The following OR5H6 variants were observed in gnomAD, a reference collection of about 807,000 sequenced individuals.
OR5H6 encodes the protein olfactory receptor family 5 subfamily H member 6.
For synonymous variants in OR5H6, 151 were observed against 127.7 expected, an observed-to-expected ratio of 1.18 and a Z score of -1.23; for missense variants, 429 against 358.1, an observed-to-expected ratio of 1.20 and a Z score of -1.60.
chr3:98,265,302 C>T lies in OR5H6; in HGVS notation c.*40C>T. On this transcript the variant is annotated 3_prime_UTR_variant, in exon 1 of 1. Coordinates refer to ENST00000615035, the MANE Select transcript of OR5H6 (RefSeq NM_001005479.2). ...CTCTTCTCTATTTACTAAAATTGTCCCAAGATTGTGCAAGTTAGAGGTGTC... is the reference window on the plus strand; with the variant it reads ...CTCTTCTCTATTTACTAAAATTGTCTCAAGATTGTGCAAGTTAGAGGTGTC... 1.3e-6 allele frequency: 2 copies of T among 1,525,044 alleles called. No homozygotes were observed. Among genetic ancestry groups the T allele is most frequent in the South Asian group, 1.4e-5 (1 of 73,392 alleles). 94.5% of individuals were successfully genotyped at this position (1,525,044 alleles called of 1,614,324 possible). A position where few individuals can be genotyped will look rare whatever the true frequency, so the allele number is the denominator to read the frequency against.
rs1343169780 is a variant in OR5H6, at chr3:98,264,808, A to G, written c.476A>G (p.His159Arg). 2 of 1,611,120 alleles carry G rather than the reference A, an allele frequency of 1.2e-6. No individual in the cohort carries two copies. The highest frequency in any genetic ancestry group is 1.7e-5 in the Admixed American group (1 of 59,582). ...FIGGLLHALI[H>R]EAFSFRLTFC... is the part of the protein sequence containing the mutation. Reference sequence around the variant, plus strand: ...GGTGGCCTTCTTCATGCTTTAATCCATGAAGCTTTTTCATTCAGATTAACC... The same window carrying G: ...GGTGGCCTTCTTCATGCTTTAATCCGTGAAGCTTTTTCATTCAGATTAACC... Residue 159 changes from histidine to arginine, a missense_variant, in exon 1 of 1, where the codon CAT becomes CGT. Transcript: ENST00000615035.
Position 98,264,693 on chromosome 3 carries a change from G to A in OR5H6, c.361G>A (p.Asp121Asn). The A allele has an allele frequency of 1.2e-6, 2 of 1,613,230 alleles. No individual in the cohort carries two copies. Among genetic ancestry groups the A allele is most frequent in the Non-Finnish European group, 1.7e-6 (2 of 1,179,296 alleles). Residue 121 changes from aspartate (D) to asparagine (N), a missense_variant, in exon 1 of 1, where the codon GAT (aspartate) becomes AAT (asparagine). By Grantham distance (23) the Asp-to-Asn change is conservative. Coordinates refer to ENST00000615035, the MANE Select transcript of OR5H6 (RefSeq NM_001005479.2). ...TTTTCTCTTGGCAACAATGGCATAT[G>A]ATCGCTATGTAGCCATTTGCAAAGC... ...ECFLLATMAY[D>N]RYVAICKALL...
In OR5H6 at chr3:98,264,260, AT is replaced by A; in HGVS notation, c.-70del. 1 of 1,588,908 alleles carries A rather than the reference AT, an allele frequency of 6.3e-7. No homozygotes were observed. Among genetic ancestry groups the A allele is most frequent in the Non-Finnish European group, 8.6e-7 (1 of 1,168,120 alleles). On this transcript the variant is annotated 5_prime_UTR_variant, in exon 1 of 1. Transcript: ENST00000615035. ...AGTTTATTTCAACACCTCTTCCCCAATTTCAACTCACAATTCCATTGCAAAT... is the reference window on the plus strand; with the variant it reads ...AGTTTATTTCAACACCTCTTCCCCAATTCAACTCACAATTCCATTGCAAAT...
In OR5H6 at chr3:98,264,972, ATTC is replaced by A; in HGVS notation, c.643_645del (p.Leu215del). The A allele has an allele frequency of 6.2e-7, 1 of 1,609,656 alleles. No individual in the cohort carries two copies. Among genetic ancestry groups the A allele is most frequent in the Non-Finnish European group, 8.5e-7 (1 of 1,178,054 alleles). ...TGTTCAAGTTTTTACCATTGGAACTATTCTTATATCTTATACAATTATCCTCTT... is the reference window on the plus strand; with the variant it reads ...TGTTCAAGTTTTTACCATTGGAACTATTATATCTTATACAATTATCCTCTT... On this transcript the variant is annotated inframe_deletion, in exon 1 of 1. Coordinates refer to ENST00000615035, the MANE Select transcript of OR5H6 (RefSeq NM_001005479.2).
Position 98,265,199 on chromosome 3 carries a change from C to A in OR5H6, c.867C>A (p.Ile289=). The A allele has an allele frequency of 6.2e-7, 1 of 1,605,732 alleles. No individual in the cohort carries two copies. Among genetic ancestry groups the A allele is most frequent in the Non-Finnish European group, 8.5e-7 (1 of 1,177,204 alleles). The change falls in exon 1 of 1, where the codon ATC becomes ATA. Residue 289 remains isoleucine, a synonymous_variant. Coordinates refer to ENST00000615035, the MANE Select transcript of OR5H6 (RefSeq NM_001005479.2). The part of the protein sequence containing the change: ...TVIVPLLNPM[I]YSLRNKQVIA... The stretch of plus-strand genomic sequence containing the variant: ...TAGTTCCTTTATTAAATCCCATGAT[C>A]TACAGCCTGAGAAACAAGCAAGTAA...
In OR5H6 at chr3:98,264,470, T is replaced by G. The variant is rs1178893141; in HGVS notation, c.138T>G (p.Ile46Met). The G allele has an allele frequency of 5.0e-6, 8 of 1,612,428 alleles. No homozygotes were observed. Among genetic ancestry groups the G allele is most frequent in the Non-Finnish European group, 6.8e-6 (8 of 1,178,712 alleles). The change falls in exon 1 of 1, where the codon ATT (isoleucine) becomes ATG (methionine). Residue 46 changes from isoleucine (I) to methionine (M), a missense_variant. Physicochemically the swap from Ile to Met is conservative, Grantham distance 10 (BLOSUM62 1). Transcript: ENST00000615035. The stretch of plus-strand genomic sequence containing the variant: ...CCATCATGGGGAATCTTGGTCTAAT[T>G]GTTCTCATCTGGAAAGACCCTCACC... ...LITIMGNLGL[I>M]VLIWKDPHLH...
rs1398672130 is a variant in OR5H6, at chr3:98,264,544, C to T, written c.212C>T (p.Ala71Val). ...CTTGGGAGTTTAGCCTTTGTGGATG[C>T]TTCGTTATCATCCACAGTGACTCCG... ...LFLGSLAFVD[A>V]SLSSTVTPKM... is the part of the protein sequence containing the mutation. Residue 71 changes from alanine (A) to valine (V), a missense_variant, in exon 1 of 1, where the codon GCT (alanine) becomes GTT (valine). Coordinates refer to ENST00000615035, the MANE Select transcript of OR5H6 (RefSeq NM_001005479.2). The T allele has an allele frequency of 6.2e-7, 1 of 1,612,622 alleles. No individual in the cohort carries two copies. The highest frequency in any genetic ancestry group is 8.5e-7 in the Non-Finnish European group (1 of 1,178,792).
At position 98,264,883 on chromosome 3, in the gene OR5H6, TG is replaced by T; in HGVS notation, c.552del (p.Leu184PhefsTer2). 6.2e-7 allele frequency: 1 copy of T among 1,610,836 alleles called. No homozygotes were observed. Among genetic ancestry groups the T allele is most frequent in the African/African-American group, 1.3e-5 (1 of 74,766 alleles). ...IQHFYCDIIP[L>X]LKISCTDSSI... The stretch of plus-strand genomic sequence containing the variant: ...CACTTTTACTGTGACATTATCCCAT[TG>T]TTAAAGATTTCCTGTACTGATTCCT... On this transcript the variant is annotated frameshift_variant, in exon 1 of 1. Coordinates refer to ENST00000615035, the MANE Select transcript of OR5H6 (RefSeq NM_001005479.2). LOFTEE classifies it low-confidence loss of function (END_TRUNC).
Position 98,265,319 on chromosome 3 carries a change from A to G in OR5H6, c.*57A>G. On this transcript the variant is annotated 3_prime_UTR_variant, in exon 1 of 1. Transcript: ENST00000615035. The stretch of plus-strand genomic sequence containing the variant: ...AAATTGTCCCAAGATTGTGCAAGTT[A>G]GAGGTGTCTATGTCTTGCCAGCATT... 1.3e-6 allele frequency: 2 copies of G among 1,507,968 alleles called. No individual in the cohort carries two copies. The highest frequency in any genetic ancestry group is 1.8e-6 in the Non-Finnish European group (2 of 1,128,566). 93.4% of individuals were successfully genotyped at this position (1,507,968 alleles called of 1,614,324 possible).
In OR5H6 at chr3:98,264,342, G is replaced by GA; in HGVS notation, c.14dup (p.Asn5LysfsTer18). 1.2e-6 allele frequency: 2 copies of GA among 1,613,050 alleles called. No individual in the cohort carries two copies. The highest frequency in any genetic ancestry group is 2.2e-5 in the South Asian group (2 of 91,040). ...GACATGCAGTGAGGAGATGGAAGAGGAAAATGCAACATTGCTGACAGAGTT... is the reference window on the plus strand; with the variant it reads ...GACATGCAGTGAGGAGATGGAAGAGGAAAAATGCAACATTGCTGACAGAGTT... On this transcript the variant is annotated frameshift_variant, in exon 1 of 1. Transcript: ENST00000615035. LOFTEE classifies it low-confidence loss of function (END_TRUNC).
rs2107391131 is a variant in OR5H6 at position 98,265,299 on chromosome 3, G to A, written c.*37G>A. On this transcript the variant is annotated 3_prime_UTR_variant, in exon 1 of 1. Transcript: ENST00000615035. ...TCTCTCTTCTCTATTTACTAAAATT[G>A]TCCCAAGATTGTGCAAGTTAGAGGT... The A allele has an allele frequency of 3.3e-6, 5 of 1,526,008 alleles. No individual in the cohort carries two copies. The highest frequency in any genetic ancestry group is 2.2e-5 in the Admixed American group (1 of 45,536). The allele number at this position is 1,526,008 out of a possible 1,614,324, so 94.5% of individuals were successfully genotyped here.
At position 98,264,780 on chromosome 3, in the gene OR5H6, A is replaced by C; in HGVS notation, c.448A>C (p.Ile150Leu). 2 of 1,612,820 alleles carry C rather than the reference A, an allele frequency of 1.2e-6. No homozygotes were observed. ...LCIQLLVLSF[I>L]GGLLHALIHE... ...CATTCAGCTATTAGTCTTGTCATTT[A>C]TAGGTGGCCTTCTTCATGCTTTAAT... Residue 150 changes from isoleucine (I) to leucine (L), a missense_variant, in exon 1 of 1, where the codon ATA (isoleucine) becomes CTA (leucine). Ile to Leu is a conservative substitution (Grantham distance 5, BLOSUM62 2). Transcript: ENST00000615035.
Position 98,264,297 on chromosome 3 carries a change from C to T in OR5H6, c.-36C>T, listed in dbSNP as rs1167052182. The T allele has an allele frequency of 8.7e-6, 14 of 1,610,056 alleles. No individual in the cohort carries two copies. The highest frequency in any genetic ancestry group is 1.2e-5 in the Non-Finnish European group (14 of 1,177,618). On this transcript the variant is annotated 5_prime_UTR_variant, in exon 1 of 1. Coordinates refer to ENST00000615035, the MANE Select transcript of OR5H6 (RefSeq NM_001005479.2). ...AATTCCATTGCAAATGTTCCTTTACCTTTGCTTCATTTTTCAGAGGACATG... is the reference window on the plus strand; with the variant it reads ...AATTCCATTGCAAATGTTCCTTTACTTTTGCTTCATTTTTCAGAGGACATG...
chr3:98,265,064 T>A lies in OR5H6; in HGVS notation c.732T>A (p.His244Gln), dbSNP rs1360603869. Residue 244 changes from histidine to glutamine, a missense_variant, in exon 1 of 1, where the codon CAT becomes CAA. Coordinates refer to ENST00000615035, the MANE Select transcript of OR5H6 (RefSeq NM_001005479.2). ...IRKAVSTCGA[H>Q]LLSVSLYYGP... Reference sequence around the variant, plus strand: ...AAGCTGTCTCCACCTGTGGGGCTCATCTCTTATCTGTATCTTTATACTATG... The same window carrying A: ...AAGCTGTCTCCACCTGTGGGGCTCAACTCTTATCTGTATCTTTATACTATG... 3 of 1,612,810 alleles carry A rather than the reference T, an allele frequency of 1.9e-6. No homozygotes were observed.
rs772610499 is a variant in OR5H6, at chr3:98,264,814, C to A, written c.482C>A (p.Ala161Asp). Residue 161 changes from alanine (A) to aspartate (D), a missense_variant, in exon 1 of 1, where the codon GCT (alanine) becomes GAT (aspartate). Physicochemically the swap from Ala to Asp is moderately radical, Grantham distance 126 (BLOSUM62 -2). Coordinates refer to ENST00000615035, the MANE Select transcript of OR5H6 (RefSeq NM_001005479.2). ...CTTCTTCATGCTTTAATCCATGAAG[C>A]TTTTTCATTCAGATTAACCTTCTGT... ...GGLLHALIHE[A>D]FSFRLTFCNS... The A allele has an allele frequency of 3.7e-6, 6 of 1,609,828 alleles. No homozygotes were observed. The Admixed American group carries it at 8.4e-5, about 23-fold the overall frequency.
At position 98,265,158 on chromosome 3, in the gene OR5H6, C is replaced by G. The variant is rs1427509855; in HGVS notation, c.826C>G (p.Leu276Val). 6.2e-7 allele frequency: 1 copy of G among 1,613,040 alleles called. No individual in the cohort carries two copies. Among genetic ancestry groups the G allele is most frequent in the Non-Finnish European group, 8.5e-7 (1 of 1,179,432 alleles). The change falls in exon 1 of 1, where the codon CTA (leucine) becomes GTA (valine). Residue 276 changes from leucine to valine, a missense_variant. Coordinates refer to ENST00000615035, the MANE Select transcript of OR5H6 (RefSeq NM_001005479.2). Reference protein sequence around the residue: ...QADDQDMMESLFYTVIVPLLN... With the variant: ...QADDQDMMESVFYTVIVPLLN... Reference sequence around the variant, plus strand: ...AGATGACCAAGATATGATGGAGTCTCTATTTTACACTGTCATAGTTCCTTT... The same window carrying G: ...AGATGACCAAGATATGATGGAGTCTGTATTTTACACTGTCATAGTTCCTTT...
Position 98,264,555 on chromosome 3 carries a change from T to C in OR5H6, c.223T>C (p.Ser75Pro), listed in dbSNP as rs113206717. 6,309 of 1,612,722 alleles carry C rather than the reference T, an allele frequency of 3.9e-3. 220 individuals are homozygous for C. In the African/African-American group the frequency reaches 0.071, roughly 18 times the overall value. The change falls in exon 1 of 1, where the codon TCC (serine) becomes CCC (proline). Residue 75 changes from serine (S) to proline (P), a missense_variant. Coordinates refer to ENST00000615035, the MANE Select transcript of OR5H6 (RefSeq NM_001005479.2). ...AGCCTTTGTGGATGCTTCGTTATCA[T>C]CCACAGTGACTCCGAAGATGCTGAT... is the stretch of plus-strand genomic sequence containing the variant. ...SLAFVDASLS[S>P]TVTPKMLINF...
chr3:98,264,310 T>C lies in OR5H6; in HGVS notation c.-23T>C, dbSNP rs1705846569. 6.2e-7 allele frequency: 1 copy of C among 1,611,772 alleles called. No individual in the cohort carries two copies. The highest frequency in any genetic ancestry group is 1.3e-5 in the African/African-American group (1 of 74,954). ...ATGTTCCTTTACCTTTGCTTCATTT[T>C]TCAGAGGACATGCAGTGAGGAGATG... On this transcript the variant is annotated 5_prime_UTR_variant, in exon 1 of 1. Coordinates refer to ENST00000615035, the MANE Select transcript of OR5H6 (RefSeq NM_001005479.2).
Position 98,265,281 on chromosome 3 carries a change from T to C in OR5H6, c.*19T>C. 1 of 1,537,102 alleles carries C rather than the reference T, an allele frequency of 6.5e-7. No individual in the cohort carries two copies. The highest frequency in any genetic ancestry group is 1.3e-5 in the South Asian group (1 of 75,898). ...TGTTTAGATCTCATACAATCTCTCTTCTCTATTTACTAAAATTGTCCCAAG... is the reference window on the plus strand; with the variant it reads ...TGTTTAGATCTCATACAATCTCTCTCCTCTATTTACTAAAATTGTCCCAAG... On this transcript the variant is annotated 3_prime_UTR_variant, in exon 1 of 1. Coordinates refer to ENST00000615035, the MANE Select transcript of OR5H6 (RefSeq NM_001005479.2).
Sources: allele counts gnomAD v4.1 joint callset, GRCh38; gene constraint gnomAD v4.1.1; transcripts MANE v1.5; gene names NCBI Gene and HGNC (gene_info 2026-07-23, HGNC 2026-07-21).